The following AKR1C8 variants were observed in gnomAD, a reference collection of about 807,000 sequenced individuals.
The protein encoded by AKR1C8 is aldo-keto reductase family 1 member C8.
chr10:5,145,848 G>A, the AKR1C8 span, among the ~76,000 whole-genome samples: 218 of 152,174 alleles, frequency 1.4e-3, no homozygotes, highest in African/African-American at 4.5e-3. Flanking sequence ...CCATTACTGG[G>A]TATATACCCA....
chr10:5,165,465 C>T, the AKR1C8 span, among the ~76,000 whole-genome samples: 1 of 152,078 alleles, frequency 6.6e-6, no homozygotes, highest in Admixed American at 6.6e-5. Flanking sequence ...ATTCCTCTCC[C>T]TTCTATATCC....
At chr10:5,167,549 C>A in the AKR1C8 span, among the ~76,000 whole-genome samples, 1 of 152,148 alleles carries the variant, frequency 6.6e-6, no homozygotes, top group Admixed American at 6.5e-5. Context: ...AAACCAAACA[C>A]CGCATGTTCT....
the AKR1C8 span, among the ~76,000 whole-genome samples, chr10:5,136,729 A>G: frequency 1.3e-5 from 2 of 152,224 alleles, no homozygotes; most frequent in Admixed American, 6.5e-5. Flanking sequence ...CCAGGATGCA[A>G]CTATATGTTC....
At chr10:5,135,949 G>A in the AKR1C8 span, among the ~76,000 whole-genome samples, 1 of 152,066 alleles carries the variant, frequency 6.6e-6, no homozygotes, top group South Asian at 2.1e-4. Context: ...ATCCTGACAA[G>A]GGTTCAAAGG....
chr10:5,144,604 G>T, the AKR1C8 span, among the ~76,000 whole-genome samples: 1 of 151,770 alleles, frequency 6.6e-6, no homozygotes, highest in Admixed American at 6.6e-5. Context: ...CTTGTAAGTT[G>T]GATTCCTAGG....
the AKR1C8 span, among the ~76,000 whole-genome samples, chr10:5,167,547 C>A: frequency 6.6e-6 from 1 of 152,260 alleles, no homozygotes; most frequent in East Asian, 1.9e-4. Context: ...AAAAACCAAA[C>A]ACCGCATGTT....
chr10:5,162,892 A>G, the AKR1C8 span: 1 of 534,668 alleles, frequency 1.9e-6, no homozygotes, highest in Non-Finnish European at 3.8e-6. Flanking sequence ...TGACGGTACC[A>G]TCAGCGATCT....
the AKR1C8 span, among the ~76,000 whole-genome samples, chr10:5,139,830 A>T: frequency 6.6e-6 from 1 of 152,218 alleles, no homozygotes; most frequent in Middle Eastern, 3.2e-3. Context: ...TCTGCACAGC[A>T]AAAGGAACTA....
chr10:5,158,580 C>A, the AKR1C8 span: 1 of 459,794 alleles, frequency 2.2e-6, no homozygotes. Context: ...CATAGGTTAA[C>A]TCTTTGACAT....
the AKR1C8 span, chr10:5,161,891 C>A: frequency 1.9e-6 from 1 of 534,610 alleles, no homozygotes; most frequent in East Asian, 5.5e-5. Flanking sequence ...ATGAAGAGAT[C>A]TACATAGTCC....
the AKR1C8 span, among the ~76,000 whole-genome samples, chr10:5,183,619 C>CA: frequency 2.0e-5 from 3 of 152,106 alleles, no homozygotes; most frequent in East Asian, 1.9e-4. Context: ...CACCATCCGA[C>CA]AAAAAAATAG....
the AKR1C8 span, among the ~76,000 whole-genome samples, chr10:5,153,091 TA>T: frequency 1.2e-4 from 19 of 152,350 alleles, no homozygotes; most frequent in African/African-American, 4.6e-4. Flanking sequence ...TACGTACTTA[TA>T]TGTTTCTTGC....
At chr10:5,177,495 A>G in the AKR1C8 span, among the ~76,000 whole-genome samples, 1 of 152,172 alleles carries the variant, frequency 6.6e-6, no homozygotes, top group African/African-American at 2.4e-5. Context: ...TGGCCTCGTA[A>G]AATGAGTTAG....
the AKR1C8 span, among the ~76,000 whole-genome samples, chr10:5,169,557 ACAGT>A: frequency 4.6e-5 from 6 of 129,664 alleles, no homozygotes; most frequent in African/African-American, 1.1e-4. Context: ...TTTCTTAATG[ACAGT>A]CAGAGGCGCA....
the AKR1C8 span, chr10:5,122,314 G>A: frequency 5.2e-6 from 1 of 191,494 alleles, no homozygotes; most frequent in Admixed American, 6.2e-5. Context: ...CCTGGCCTGG[G>A]ACCTCTTCCA....
At chr10:5,135,912 T>G in the AKR1C8 span, among the ~76,000 whole-genome samples, 1 of 152,172 alleles carries the variant, frequency 6.6e-6, no homozygotes, top group African/African-American at 2.4e-5. Context: ...TCATTCCTGA[T>G]GAAAATGCAG....
the AKR1C8 span, among the ~76,000 whole-genome samples, chr10:5,144,360 CT>C: frequency 6.6e-6 from 1 of 152,094 alleles, no homozygotes; most frequent in Non-Finnish European, 1.5e-5. Context: ...GATGCGGGCT[CT>C]TTTTTGGTTC....
the AKR1C8 span, among the ~76,000 whole-genome samples, chr10:5,134,519 A>G: frequency 5.3e-5 from 8 of 152,304 alleles, no homozygotes; most frequent in South Asian, 1.4e-3. Flanking sequence ...GCATATTAAC[A>G]TGGACCAAAA....
chr10:5,153,234 C>A, the AKR1C8 span, among the ~76,000 whole-genome samples: 10 of 151,456 alleles, frequency 6.6e-5, no homozygotes, highest in Non-Finnish European at 7.4e-5. Flanking sequence ...TAAAGTTTTG[C>A]TTAATAAATG....
Sources: gnomAD v4.1 joint callset for allele counts (sites outside exome capture counted in the v4.1 genomes callset) on GRCh38, gnomAD v4.1.1 for gene constraint, MANE v1.5 for transcripts, NCBI Gene and HGNC (gene_info 2026-07-23, HGNC 2026-07-21) for gene names.